Variants in DPP10 observed in about 807,000 individuals in gnomAD.
DPP10 encodes the protein inactive dipeptidyl peptidase 10.
In DPP10, 33 loss-of-function variants were observed where a neutral mutation model predicts 120.9. The ratio of observed to expected loss-of-function variants is 0.27; its 90% CI spans 0.21 to 0.37. The LOEUF (loss-of-function observed/expected upper bound fraction) is 0.37. Among genes scored for constraint, DPP10 ranks in the 10% least tolerant of loss-of-function variants. The pLI is 1.00. For synonymous variants in DPP10, 337 were observed against 326.1 expected (o/e 1.03, Z -0.36); for missense variants, 816 against 942.8 (o/e 0.87, Z 1.76).
chr2:114,644,378 G>A (rs1695960213), intron 1 of DPP10, among the ~76,000 whole-genome samples: 1 of 151,412 alleles, frequency 6.6e-6, no homozygotes, highest in South Asian at 2.1e-4. Context: ...GTGTGTGTGT[G>A]TATTATATAT....
At chr2:114,608,843 A>G (rs900139506) in intron 1 of DPP10, among the ~76,000 whole-genome samples, 1 of 152,154 alleles carries the variant, frequency 6.6e-6, no homozygotes, top group Non-Finnish European at 1.5e-5. Flanking sequence ...AATATTGGGT[A>G]GTTAGGGCAT....
At chr2:115,342,225 G>C (rs913147483) in intron 2 of DPP10, 1 of 440,630 alleles carries the variant, frequency 2.3e-6, no homozygotes, top group Non-Finnish European at 4.5e-6. Flanking sequence ...TTGAGACAAG[G>C]TCTCACCCTG....
intron 5 of DPP10, among the ~76,000 whole-genome samples, chr2:115,681,251 T>G (rs1174995741): frequency 1.3e-5 from 2 of 151,918 alleles, no homozygotes; most frequent in East Asian, 3.8e-4. Context: ...AAAATAATTT[T>G]AGAGTTTTTT....
intron 1 of DPP10, among the ~76,000 whole-genome samples, chr2:115,007,259 C>G (rs1430784481): frequency 2.0e-5 from 3 of 152,066 alleles, no homozygotes; most frequent in East Asian, 1.9e-4. Flanking sequence ...GGGATGCAAG[C>G]CTGGTTCAAT....
intron 1 of DPP10, among the ~76,000 whole-genome samples, chr2:114,665,888 T>C (rs1299851215): frequency 1.3e-5 from 2 of 152,282 alleles, no homozygotes; most frequent in South Asian, 4.1e-4. Context: ...TTTGCTCCAG[T>C]AGCCTGGAAA....
intron 13 of DPP10, among the ~76,000 whole-genome samples, chr2:115,773,887 A>AGG (rs1473300898): frequency 6.6e-6 from 1 of 152,112 alleles, no homozygotes; most frequent in Non-Finnish European, 1.5e-5. Context: ...TATGTAGATT[A>AGG]TTAGAAAGTA....
At chr2:114,457,710 T>C (rs1678659207) in intron 1 of DPP10, among the ~76,000 whole-genome samples, 1 of 152,146 alleles carries the variant, frequency 6.6e-6, no homozygotes, top group South Asian at 2.1e-4. Flanking sequence ...CTGTCTCTTT[T>C]CTCTATAACA....
chr2:114,923,027 A>G (rs1482653123), intron 1 of DPP10, among the ~76,000 whole-genome samples: 2 of 152,196 alleles, frequency 1.3e-5, no homozygotes, highest in Non-Finnish European at 2.9e-5. Flanking sequence ...ACCATTTATA[A>G]CACCTTTTTG....
intron 5 of DPP10, among the ~76,000 whole-genome samples, chr2:115,687,022 G>A (rs2091027373): frequency 6.6e-6 from 1 of 151,886 alleles, no homozygotes; most frequent in African/African-American, 2.4e-5. Flanking sequence ...GTATGGAAGG[G>A]GAGTTTAAGA....
At chr2:114,562,700 C>T (rs1256987676) in intron 1 of DPP10, among the ~76,000 whole-genome samples, 1 of 152,040 alleles carries the variant, frequency 6.6e-6, no homozygotes, top group Non-Finnish European at 1.5e-5. Context: ...TATTGAAACT[C>T]TCTGTCAAAA....
chr2:115,591,710 A>G (rs1001829181), intron 5 of DPP10, among the ~76,000 whole-genome samples: 11 of 152,174 alleles, frequency 7.2e-5, no homozygotes, highest in African/African-American at 2.4e-4. Flanking sequence ...TGGTAGCTTG[A>G]TGGGGATGGC....
chr2:115,426,799 C>T (rs1426684701), intron 3 of DPP10, among the ~76,000 whole-genome samples: 3 of 152,204 alleles, frequency 2.0e-5, no homozygotes, highest in Admixed American at 2.0e-4. Context: ...TTGTTAAATA[C>T]AATCATGCCT....
intron 5 of DPP10, among the ~76,000 whole-genome samples, chr2:115,593,050 A>G (rs751762498): frequency 2.6e-5 from 4 of 152,248 alleles, no homozygotes; most frequent in Non-Finnish European, 5.9e-5. Flanking sequence ...GTCGTTAGTT[A>G]GAGATAGCCA....
At chr2:115,759,399 A>G (rs1361348605) in intron 11 of DPP10, among the ~76,000 whole-genome samples, 1 of 151,702 alleles carries the variant, frequency 6.6e-6, no homozygotes, top group Non-Finnish European at 1.5e-5. Flanking sequence ...TTCTATATAA[A>G]AAAAAAAAAA....
intron 1 of DPP10, among the ~76,000 whole-genome samples, chr2:114,627,858 A>G (rs1694632080): frequency 6.6e-6 from 1 of 152,154 alleles, no homozygotes; most frequent in African/African-American, 2.4e-5. Flanking sequence ...TTGGCAAACC[A>G]TGCACAGAGC....
At chr2:114,699,403 A>G (rs1212875208) in intron 1 of DPP10, among the ~76,000 whole-genome samples, 1 of 152,094 alleles carries the variant, frequency 6.6e-6, no homozygotes, top group Non-Finnish European at 1.5e-5. Context: ...CACTTAAGAG[A>G]CTTTCACTTG....
chr2:114,539,181 AT>A (rs1240855945), intron 1 of DPP10, among the ~76,000 whole-genome samples: 2 of 148,650 alleles, frequency 1.3e-5, no homozygotes, highest in Admixed American at 6.7e-5. Context: ...TTATAACTGT[AT>A]ATTACATATA....
At chr2:115,565,779 G>GTTTTTTTTTGTTTTTTTTTTTTTTT (rs2080972178) in intron 5 of DPP10, among the ~76,000 whole-genome samples, 1 of 101,562 alleles carries the variant, frequency 9.8e-6, no homozygotes, top group African/African-American at 3.4e-5. Flanking sequence ...GTTTTTTTTT[G>GTTTTTTTTTGTTTTTTTTTTTTTTT]TTTTTTTTTG....
intron 1 of DPP10, among the ~76,000 whole-genome samples, chr2:115,267,884 T>C (rs1349174938): frequency 6.6e-6 from 1 of 152,218 alleles, no homozygotes; most frequent in Non-Finnish European, 1.5e-5. Flanking sequence ...GTAATTTATG[T>C]GTGTCCACTC....
Sources: gnomAD v4.1 joint callset for allele counts (sites outside exome capture counted in the v4.1 genomes callset) on GRCh38, gnomAD v4.1.1 for gene constraint, MANE v1.5 for transcripts, NCBI Gene and HGNC (gene_info 2026-07-23, HGNC 2026-07-21) for gene names.